The following PTPN5 variants were observed in gnomAD, a reference collection of about 807,000 sequenced individuals.
The protein encoded by PTPN5 is tyrosine-protein phosphatase non-receptor type 5.
In PTPN5, 29 loss-of-function variants were observed where a neutral mutation model predicts 73.9. That is an observed-to-expected ratio of 0.39 (90% CI 0.29 to 0.54). The LOEUF (loss-of-function observed/expected upper bound fraction) is 0.54, where lower values mean the gene tolerates loss of function less well. PTPN5 is among the 20% of genes least tolerant of loss of function. PTPN5 has a pLI of 0.65. For synonymous variants in PTPN5, 267 were observed against 304.7 expected, an observed-to-expected ratio of 0.88 and a Z score of 1.29; for missense variants, 652 against 751.4, an observed-to-expected ratio of 0.87 and a Z score of 1.55.
At chr11:18,741,734 C>A (rs373776995) in intron 7 of PTPN5, among the ~76,000 whole-genome samples, 3 of 152,050 alleles carry the variant, frequency 2.0e-5, no homozygotes, top group Non-Finnish European at 4.4e-5. Flanking sequence ...GGGAGAGAGG[C>A]GGGCAAGGGA....
At chr11:18,765,195 C>T (rs116120002) in intron 3 of PTPN5, among the ~76,000 whole-genome samples, 1,576 of 152,088 alleles carry the variant, frequency 0.01, 17 homozygotes, top group African/African-American at 0.036. Flanking sequence ...AAACTCTCCC[C>T]CCACCCCTTC....
At position 18,773,474 on chromosome 11, in the gene PTPN5, C is replaced by T. The variant is rs1014428388; in HGVS notation, c.-113-1403G>A. Among the ~76,000 whole-genome samples, 2 of 152,192 alleles carry T rather than the reference C, an allele frequency of 1.3e-5. 1 individual carries two copies. The highest frequency in any genetic ancestry group is 6.8e-3 in the Middle Eastern group (2 of 294). On this transcript the variant is annotated intron_variant, in intron 1 of 14. Transcript: ENST00000358540. ...AGGGCTTCCGCTGCACCCCACACGG[C>T]GTCCTCCCGACAGAAGGCACAGAGT... is the stretch of plus-strand genomic sequence containing the variant.
Position 18,729,119 on chromosome 11 carries a change from A to G in PTPN5, c.1605-92T>C, listed in dbSNP as rs1848754864. 1 of 1,362,318 alleles carries G rather than the reference A, an allele frequency of 7.3e-7. No individual in the cohort carries two copies. The allele number at this position is 1,362,318 out of a possible 1,614,324, so 84.4% of individuals were successfully genotyped here. A position where few individuals can be genotyped will look rare whatever the true frequency, so the allele number is the denominator to read the frequency against. On this transcript the variant is annotated intron_variant, in intron 14 of 14. Transcript: ENST00000358540. This position sits in a 1 kb window ranked among gnomAD's most constrained non-coding sequence, Gnocchi z 5.2. ...AGCCATGGAGTAGCAATCACTTGCC[A>G]GGCCTTGCCCCTGTGCGTCTTGGAG...
Position 18,730,000 on chromosome 11 carries a change from CTTGGTT to C in PTPN5, c.1330-188_1330-183del, listed in dbSNP as rs1311487250. The C allele has an allele frequency of 1.3e-6, 1 of 783,048 alleles. No homozygotes were observed. Among genetic ancestry groups the C allele is most frequent in the African/African-American group, 1.7e-5 (1 of 57,520 alleles). The allele number at this position is 783,048 out of a possible 1,614,324, so 48.5% of individuals were successfully genotyped here. A position where few individuals can be genotyped will look rare whatever the true frequency, so the allele number is the denominator to read the frequency against. On this transcript the variant is annotated intron_variant, in intron 12 of 14. Coordinates refer to ENST00000358540, the MANE Select transcript of PTPN5 (RefSeq NM_006906.2). This position sits in a 1 kb window ranked among gnomAD's most constrained non-coding sequence, Gnocchi z 5.2. ...GCACCAGACACAGACCCAAAGCCAG[CTTGGTT>C]TTGGGGGTTGGTCAGCAGCGTTGGC...
intron 1 of PTPN5, among the ~76,000 whole-genome samples, chr11:18,780,672 A>T (rs1337215501): frequency 6.6e-6 from 1 of 151,986 alleles, no homozygotes; most frequent in Non-Finnish European, 1.5e-5. Flanking sequence ...TGACTTGGAA[A>T]CTGGTAATGA....
In PTPN5 at chr11:18,729,932, G is replaced by A. The variant is rs1341324921; in HGVS notation, c.1330-114C>T. The A allele has an allele frequency of 1.5e-6, 2 of 1,370,278 alleles. No individual in the cohort carries two copies. The highest frequency in any genetic ancestry group is 2.4e-5 in the East Asian group (1 of 42,078). The allele number at this position is 1,370,278 out of a possible 1,614,324, so 84.9% of individuals were successfully genotyped here. On this transcript the variant is annotated intron_variant, in intron 12 of 14. Transcript: ENST00000358540. The surrounding 1 kb of genome is among the most constrained non-coding windows in gnomAD (Gnocchi z 5.2). ...GAAGAACACAGGAAGAACACTGAGA[G>A]TGGGACCCCTTCACCCTTCCATCTA...
rs1328393790 is a variant in PTPN5 at position 18,742,935 on chromosome 11, C to G, written c.483+57G>C. ...AAGTCAGATGGGAGCTGGTAGAAATCCAGGCCTCAAGGTCAGAGGAGGACA... is the reference window on the plus strand; with the variant it reads ...AAGTCAGATGGGAGCTGGTAGAAATGCAGGCCTCAAGGTCAGAGGAGGACA... On this transcript the variant is annotated intron_variant, in intron 6 of 14. Coordinates refer to ENST00000358540, the MANE Select transcript of PTPN5 (RefSeq NM_006906.2). The surrounding 1 kb of genome is among the most constrained non-coding windows in gnomAD (Gnocchi z 4.1). The G allele has an allele frequency of 1.7e-6, 2 of 1,158,324 alleles. No individual in the cohort carries two copies. The highest frequency in any genetic ancestry group is 2.5e-6 in the Non-Finnish European group (2 of 789,964). The allele number at this position is 1,158,324 out of a possible 1,614,324, so 71.8% of individuals were successfully genotyped here. A position where few individuals can be genotyped will look rare whatever the true frequency, so the allele number is the denominator to read the frequency against.
intron 1 of PTPN5, among the ~76,000 whole-genome samples, chr11:18,784,016 A>G (rs749339229): frequency 1.3e-5 from 2 of 152,198 alleles, no homozygotes; most frequent in Non-Finnish European, 2.9e-5. Context: ...TAGTTTTTAA[A>G]TTAACAGCTT....
chr11:18,773,785 C>G (rs1265673993), intron 1 of PTPN5, among the ~76,000 whole-genome samples: 1 of 152,174 alleles, frequency 6.6e-6, no homozygotes, highest in African/African-American at 2.4e-5. Context: ...AGGAGACCAG[C>G]CAAAAAGGTG....
At chr11:18,766,442 T>C (rs186747978) in intron 2 of PTPN5, among the ~76,000 whole-genome samples, 46 of 152,294 alleles carry the variant, frequency 3.0e-4, no homozygotes, top group Non-Finnish European at 5.7e-4. Context: ...CTCTCCAAGA[T>C]ATGCAAGTCC....
chr11:18,753,920 G>A (rs1850008927), intron 3 of PTPN5, among the ~76,000 whole-genome samples: 2 of 152,258 alleles, frequency 1.3e-5, no homozygotes, highest in Non-Finnish European at 2.9e-5. Context: ...ATTTAACACA[G>A]TACAATATGC....
At chr11:18,777,458 T>C (rs1851213318) in intron 1 of PTPN5, among the ~76,000 whole-genome samples, 1 of 152,228 alleles carries the variant, frequency 6.6e-6, no homozygotes, top group African/African-American at 2.4e-5. Context: ...TGTCATCATC[T>C]TGTGTTTCAG....
At position 18,732,601 on chromosome 11, in the gene PTPN5, G is replaced by C. The variant is rs1299710902; in HGVS notation, c.1320C>G (p.Ile440Met). ...CTGCCCCAGGCCTCACCTTGAGGGA[G>C]ATGAGTCGCAGCCGGTAATCCTCCG... is the stretch of plus-strand genomic sequence containing the variant. Reference protein sequence around the residue: ...IHTEDYRLRLISLKSGTEERG... With the variant: ...IHTEDYRLRLMSLKSGTEERG... Residue 440 changes from isoleucine (I) to methionine (M), a missense_variant, in exon 12 of 15, where the codon ATC becomes ATG. Physicochemically the swap from Ile to Met is conservative, Grantham distance 10. Coordinates refer to ENST00000358540, the MANE Select transcript of PTPN5 (RefSeq NM_006906.2). The C allele has an allele frequency of 6.2e-7, 1 of 1,613,594 alleles. No homozygotes were observed.
rs1849004522 is a variant in PTPN5 at position 18,733,894 on chromosome 11, C to T, written c.1001-259G>A. On this transcript the variant is annotated intron_variant, in intron 9 of 14. Transcript: ENST00000358540. The surrounding 1 kb of genome is among the most constrained non-coding windows in gnomAD (Gnocchi z 4.3). ...CCTTAGCCTGTGCCTCTTAAGTTGCCCTATACTCACTGCATCTTAGCTTCT... is the reference window on the plus strand; with the variant it reads ...CCTTAGCCTGTGCCTCTTAAGTTGCTCTATACTCACTGCATCTTAGCTTCT... Among the ~76,000 whole-genome samples the T allele has an allele frequency of 6.6e-6, 1 of 152,164 alleles. No homozygotes were observed. The highest frequency in any genetic ancestry group is 2.4e-5 in the African/African-American group (1 of 41,446).
At chr11:18,774,521 G>A (rs919374948) in intron 1 of PTPN5, among the ~76,000 whole-genome samples, 1 of 152,250 alleles carries the variant, frequency 6.6e-6, no homozygotes, top group African/African-American at 2.4e-5. Flanking sequence ...CTGAGGAGGA[G>A]GGGGCTGGAG....
At position 18,733,300 on chromosome 11, in the gene PTPN5, G is replaced by A. The variant is rs376907907; in HGVS notation, c.1153C>T (p.Arg385Cys). The A allele has an allele frequency of 8.1e-6, 13 of 1,613,990 alleles. No individual in the cohort carries two copies. The highest frequency in any genetic ancestry group is 6.7e-5 in the East Asian group (3 of 44,890). The change falls in exon 11 of 15, where the codon CGC becomes TGC. Residue 385 changes from arginine (R) to cysteine (C), a missense_variant. Arg to Cys is a radical substitution (Grantham distance 180). Coordinates refer to ENST00000358540, the MANE Select transcript of PTPN5 (RefSeq NM_006906.2). The surrounding 1 kb of genome is among the most constrained non-coding windows in gnomAD (Gnocchi z 4.3). ...PIVSTVADFWRMVWQEHTPII... is the reference protein window; with the variant it reads ...PIVSTVADFWCMVWQEHTPII... ...GGCGTGTGCTCCTGCCACACCATGC[G>A]CCAGAAGTCGGCGACCGTGCTGACG...
chr11:18,746,685 G>A (rs1849658698), intron 3 of PTPN5, among the ~76,000 whole-genome samples: 1 of 152,196 alleles, frequency 6.6e-6, no homozygotes, highest in African/African-American at 2.4e-5. Flanking sequence ...ATAAATCTAA[G>A]TGCCAATGGA....
chr11:18,749,813 C>A (rs1849804032), intron 3 of PTPN5, among the ~76,000 whole-genome samples: 1 of 152,204 alleles, frequency 6.6e-6, no homozygotes, highest in South Asian at 2.1e-4. Flanking sequence ...ACTGTGGCTG[C>A]TCCTGTCAGT....
intron 3 of PTPN5, among the ~76,000 whole-genome samples, chr11:18,765,472 C>T (rs908469452): frequency 6.6e-6 from 1 of 152,182 alleles, no homozygotes; most frequent in African/African-American, 2.4e-5. Flanking sequence ...CTACCCTTAC[C>T]TCTTGAAGTC....
Sources: allele counts gnomAD v4.1 joint callset (sites outside exome capture counted in the v4.1 genomes callset), GRCh38; gene constraint gnomAD v4.1.1; non-coding constraint Gnocchi (gnomAD v3.1); transcripts MANE v1.5; gene names NCBI Gene and HGNC (gene_info 2026-07-23, HGNC 2026-07-21).